Variants in PPRC1 observed in about 807,000 individuals in gnomAD.
PPRC1 encodes PPARG related coactivator 1.
PPRC1 carries 23 observed loss-of-function variants against 132.5 expected under a neutral mutation model. The observed-to-expected ratio is 0.17, with a 90% CI of 0.12 to 0.25. The LOEUF (loss-of-function observed/expected upper bound fraction) is 0.25. PPRC1 is among the 10% of genes least tolerant of loss of function. The pLI is 1.00. For missense variants in PPRC1, 2,006 were observed against 2,089.1 expected, an observed-to-expected ratio of 0.96 and a Z score of 0.78; for synonymous variants, 872 against 833.5, an observed-to-expected ratio of 1.05 and a Z score of -0.80.
chr10:102,132,730 C>A (rs1449787850), upstream of PPRC1, among the ~76,000 whole-genome samples: 1 of 152,220 alleles, frequency 6.6e-6, no homozygotes, highest in Non-Finnish European at 1.5e-5. Flanking sequence ...GAGGACGTTC[C>A]AACAGTTGGA....
intron 6 of PPRC1, among the ~76,000 whole-genome samples, chr10:102,143,683 G>A (rs2069098076): frequency 1.3e-5 from 2 of 152,098 alleles, no homozygotes; most frequent in Admixed American, 1.3e-4. Context: ...TTTCAGGCTG[G>A]GCATTGAAAG....
chr10:102,142,872 A>G, intron 5 of PPRC1, 173 bp from the exon 6 acceptor site: 2 of 511,876 alleles, frequency 3.9e-6, no homozygotes, highest in Non-Finnish European at 7.0e-6. Flanking sequence ...CTTCAGAGGC[A>G]GAGCCCTGGG....
At chr10:102,121,925 T>C in the PPRC1 span, among the ~76,000 whole-genome samples, 2 of 152,178 alleles carry the variant, frequency 1.3e-5, no homozygotes, top group South Asian at 2.1e-4. Flanking sequence ...AGACCTCTTC[T>C]CTCCACCTTA....
the PPRC1 span, among the ~76,000 whole-genome samples, chr10:102,124,690 T>A: frequency 1.3e-5 from 2 of 150,604 alleles, no homozygotes; most frequent in Admixed American, 1.3e-4. Flanking sequence ...TCACCCAGGC[T>A]GGAGTGCAGT....
At chr10:102,129,144 G>C (rs1441438830), upstream of PPRC1, among the ~76,000 whole-genome samples, 1 of 150,612 alleles carries the variant, frequency 6.6e-6, no homozygotes, top group African/African-American at 2.4e-5. Context: ...TGTTAGCCAG[G>C]ATGGTCTCGA....
upstream of PPRC1, chr10:102,132,879 G>A (rs1220254072): frequency 3.8e-5 from 30 of 794,698 alleles, no homozygotes; most frequent in Non-Finnish European, 4.7e-5. Context: ...CCCACTTAAA[G>A]GGACTACTAC....
intron 1 of PPRC1, among the ~76,000 whole-genome samples, chr10:102,134,170 A>G (rs1023542784): frequency 9.9e-5 from 15 of 152,032 alleles, no homozygotes. Context: ...GGACAAGGTT[A>G]AGAAAGGGAA....
At chr10:102,124,564 T>C in the PPRC1 span, among the ~76,000 whole-genome samples, 2 of 151,690 alleles carry the variant, frequency 1.3e-5, no homozygotes, top group African/African-American at 4.8e-5. Context: ...GGTTTCACCA[T>C]GTTGGCCTCC....
At chr10:102,146,187 C>T (rs775804918) in intron 8 of PPRC1, among the ~76,000 whole-genome samples, 1 of 152,136 alleles carries the variant, frequency 6.6e-6, no homozygotes, top group African/African-American at 2.4e-5. Context: ...ATTGGGACCT[C>T]GAATGCCATA....
chr10:102,129,527 C>G (rs1305558015), upstream of PPRC1, among the ~76,000 whole-genome samples: 1 of 152,194 alleles, frequency 6.6e-6, no homozygotes, highest in Non-Finnish European at 1.5e-5. Flanking sequence ...GCAAAACGTT[C>G]CGCTTTCTTT....
chr10:102,131,388 CAA>C (rs1319964199), upstream of PPRC1, among the ~76,000 whole-genome samples: 18 of 97,534 alleles, frequency 1.8e-4, no homozygotes, highest in East Asian at 2.8e-4. Flanking sequence ...TATTGTCTAA[CAA>C]AAAAAAAAAA....
At chr10:102,128,795 T>C (rs2068499589), upstream of PPRC1, among the ~76,000 whole-genome samples, 1 of 151,090 alleles carries the variant, frequency 6.6e-6, no homozygotes, top group African/African-American at 2.4e-5. Context: ...TTTGTATTTT[T>C]GGTAGAGACG....
chr10:102,144,028 G>T (rs528634614), intron 6 of PPRC1, among the ~76,000 whole-genome samples: 2 of 152,356 alleles, frequency 1.3e-5, no homozygotes, highest in African/African-American at 4.8e-5. Context: ...CTTTATCTCA[G>T]ATTCAGTGGA....
At chr10:102,125,377 G>C in the PPRC1 span, among the ~76,000 whole-genome samples, 1 of 151,324 alleles carries the variant, frequency 6.6e-6, no homozygotes, top group Non-Finnish European at 1.5e-5. Context: ...CCCTGCCTCA[G>C]CCTCCTGAGT....
Position 102,141,970 on chromosome 10 carries a change from T to C in PPRC1, c.3462T>C (p.Ser1154=), listed in dbSNP as rs1333599204. ...TGCCTACCCCACGTACTCAGGGTTC[T>C]GAAGATGTGGTACAGGCTTTCATCA... The part of the protein sequence containing the change: ...SFLPTPRTQG[S]EDVVQAFISE... Residue 1154 remains serine, a synonymous_variant, in exon 5 of 14, where the codon TCT becomes TCC. Coordinates refer to ENST00000278070, the MANE Select transcript of PPRC1 (RefSeq NM_015062.5). The C allele has an allele frequency of 6.2e-7, 1 of 1,613,452 alleles. No homozygotes were observed. Among genetic ancestry groups the C allele is most frequent in the South Asian group, 1.1e-5 (1 of 91,014 alleles).
chr10:102,148,051 T>C lies in PPRC1; in HGVS notation c.4401-321T>C, dbSNP rs2069341715. On this transcript the variant is annotated intron_variant, in intron 9 of 13. Coordinates refer to ENST00000278070, the MANE Select transcript of PPRC1 (RefSeq NM_015062.5). This position sits in a 1 kb window ranked among gnomAD's most constrained non-coding sequence, Gnocchi z 4.2. ...ACCACAGATAGCTGGGTGTGAGACC[T>C]AGGGCTCACCCCTCTCCCTGAGTCT... Among the ~76,000 whole-genome samples, 1 of 152,170 alleles carries C rather than the reference T, an allele frequency of 6.6e-6. No homozygotes were observed. The highest frequency in any genetic ancestry group is 1.5e-5 in the Non-Finnish European group (1 of 68,036).
the PPRC1 span, among the ~76,000 whole-genome samples, chr10:102,123,667 A>C: frequency 6.6e-6 from 1 of 151,766 alleles, no homozygotes; most frequent in Non-Finnish European, 1.5e-5. Context: ...AGTAGCTGGG[A>C]TTACAGGCAC....
At chr10:102,123,950 C>T in the PPRC1 span, among the ~76,000 whole-genome samples, 3 of 149,652 alleles carry the variant, frequency 2.0e-5, no homozygotes, top group Non-Finnish European at 3.0e-5. Flanking sequence ...AAGTGATTCT[C>T]CTGCCTCAGC....
chr10:102,119,932 T>C, the PPRC1 span, among the ~76,000 whole-genome samples: 13 of 151,460 alleles, frequency 8.6e-5, no homozygotes, highest in Admixed American at 7.9e-4. Flanking sequence ...GGGAAAACGC[T>C]ACCCGCCAGC....
Sources: gnomAD v4.1 joint callset for allele counts (sites outside exome capture counted in the v4.1 genomes callset) on GRCh38, gnomAD v4.1.1 for gene constraint, Gnocchi (gnomAD v3.1) non-coding constraint, MANE v1.5 for transcripts, NCBI Gene and HGNC (gene_info 2026-07-23, HGNC 2026-07-21) for gene names.